Variants in RASGRP1 observed in about 807,000 individuals in gnomAD.
RASGRP1 encodes RAS guanyl-releasing protein 1.
A neutral mutation model predicts 95.1 loss-of-function variants in RASGRP1; 37 were observed. That is an observed-to-expected ratio of 0.39 (90% CI 0.30 to 0.51). The LOEUF (loss-of-function observed/expected upper bound fraction) is 0.51, where lower values mean the gene tolerates loss of function less well. RASGRP1 is among the 20% of genes least tolerant of loss of function. The pLI, the probability that RASGRP1 is intolerant of heterozygous loss-of-function variation, is 0.80. For synonymous variants in RASGRP1, 325 were observed against 353.4 expected (o/e 0.92, Z 0.90); for missense variants, 711 against 965.4 (o/e 0.74, Z 3.49).
chr15:38,497,295 C>T (rs1169897043), intron 15 of RASGRP1, among the ~76,000 whole-genome samples: 3 of 152,146 alleles, frequency 2.0e-5, no homozygotes, highest in African/African-American at 7.2e-5. Flanking sequence ...TTTTAAATAG[C>T]TCCTCATTTT....
chr15:38,536,435 G>C (rs62008296), intron 2 of RASGRP1, among the ~76,000 whole-genome samples: 4 of 152,204 alleles, frequency 2.6e-5, no homozygotes, highest in African/African-American at 9.7e-5. Context: ...GAGCATATTT[G>C]TATCACGTCA....
At chr15:38,519,491 A>G in intron 3 of RASGRP1, 120 bp from the exon 4 acceptor site, 1 of 772,020 alleles carries the variant, frequency 1.3e-6, no homozygotes, top group South Asian at 1.7e-5. Flanking sequence ...TGAAAATGTG[A>G]TGCTTTATCT....
At position 38,507,862 on chromosome 15, in the gene RASGRP1, A is replaced by G. The variant is rs751118810; in HGVS notation, c.1106T>C (p.Met369Thr). ...TTTCCCGTCCTCCAGATAGTCAGGC[A>G]TGGCTTCATACAGGGAGATGAGGTC... ...LKDLISLYEA[M>T]PDYLEDGKVN... is the part of the protein sequence containing the mutation. The change falls in exon 9 of 17, where the codon ATG becomes ACG. Residue 369 changes from methionine to threonine, a missense_variant. Coordinates refer to ENST00000310803, the MANE Select transcript of RASGRP1 (RefSeq NM_005739.4). 18 of 1,613,854 alleles carry G rather than the reference A, an allele frequency of 1.1e-5. No individual in the cohort carries two copies. Among genetic ancestry groups the G allele is most frequent in the Non-Finnish European group, 1.5e-5 (18 of 1,179,832 alleles).
chr15:38,529,015 A>G (rs940864205), intron 2 of RASGRP1, among the ~76,000 whole-genome samples: 4 of 152,188 alleles, frequency 2.6e-5, no homozygotes, highest in African/African-American at 7.2e-5. Context: ...CCTAGCCATT[A>G]TCCTTTATTT....
intron 16 of RASGRP1, among the ~76,000 whole-genome samples, chr15:38,493,458 C>T (rs1890675296): frequency 6.6e-6 from 1 of 152,110 alleles, no homozygotes; most frequent in Admixed American, 6.5e-5. Flanking sequence ...GGGCATGAGC[C>T]ACCACGCCCA....
At chr15:38,511,749 AGTCACTGTACAT>A (rs751987080) in intron 7 of RASGRP1, 29 bp from the exon 8 acceptor site, 6 of 1,539,222 alleles carry the variant, frequency 3.9e-6, no homozygotes, top group Non-Finnish European at 5.4e-6. Context: ...ATGACAGCAG[AGTCACTGTACAT>A]GTCAGTTATA....
chr15:38,498,999 A>G (rs2141085046), intron 14 of RASGRP1, 53 bp from the exon 15 acceptor site: 2 of 1,612,220 alleles, frequency 1.2e-6, no homozygotes, highest in South Asian at 1.1e-5. Context: ...TCTCTTCCCC[A>G]GTGTGTCTCA....
intron 2 of RASGRP1, among the ~76,000 whole-genome samples, chr15:38,557,629 G>GTGTGTGTGTGTGTGTGTA (rs745934661): frequency 6.8e-6 from 1 of 147,370 alleles, no homozygotes; most frequent in South Asian, 2.1e-4. Flanking sequence ...GTGTGTGTGT[G>GTGTGTGTGTGTGTGTGTA]TATATATATA....
chr15:38,561,355 A>C (rs1264720818), intron 1 of RASGRP1, among the ~76,000 whole-genome samples: 1 of 152,254 alleles, frequency 6.6e-6, no homozygotes, highest in East Asian at 1.9e-4. Context: ...ATAGCTGAGG[A>C]ATCAGACTGA....
chr15:38,561,050 A>G (rs1048950955), intron 1 of RASGRP1, among the ~76,000 whole-genome samples: 3 of 152,216 alleles, frequency 2.0e-5, no homozygotes, highest in African/African-American at 7.2e-5. Context: ...TCTCTTGAGC[A>G]TTTAGTTAAT....
intron 2 of RASGRP1, among the ~76,000 whole-genome samples, chr15:38,552,760 A>G (rs1316695080): frequency 6.6e-6 from 1 of 152,232 alleles, no homozygotes; most frequent in Non-Finnish European, 1.5e-5. Context: ...TTTAATAACT[A>G]GCTTGCAAAA....
At chr15:38,508,904 T>C (rs769853035) in intron 8 of RASGRP1, among the ~76,000 whole-genome samples, 3 of 152,198 alleles carry the variant, frequency 2.0e-5, no homozygotes, top group South Asian at 4.1e-4. Context: ...TCCTCTCTTA[T>C]CCTTAGGGGG....
chr15:38,516,170 T>C lies in RASGRP1; in HGVS notation c.675+27A>G, dbSNP rs367574552. 150 of 1,545,214 alleles carry C rather than the reference T, an allele frequency of 9.7e-5. No homozygotes were observed. The African/African-American group carries it at 1.9e-3, about 20-fold the overall frequency. ...ATTTTCAGAAATATCCCAGGGAAGA[T>C]TTTTCTCCTGCCCCTTGCATACATA... On this transcript the variant is annotated intron_variant, in intron 6 of 16. Transcript: ENST00000310803.
intron 2 of RASGRP1, among the ~76,000 whole-genome samples, chr15:38,546,969 A>G (rs1340522434): frequency 6.6e-6 from 1 of 152,024 alleles, no homozygotes; most frequent in African/African-American, 2.4e-5. Flanking sequence ...GTGCTATGTT[A>G]TTCACATCCT....
At position 38,507,871 on chromosome 15, in the gene RASGRP1, T is replaced by A; in HGVS notation, c.1097A>T (p.Tyr366Phe). 1 of 1,613,812 alleles carries A rather than the reference T, an allele frequency of 6.2e-7. No homozygotes were observed. Among genetic ancestry groups the A allele is most frequent in the South Asian group, 1.1e-5 (1 of 91,008 alleles). The change falls in exon 9 of 17, where the codon TAT becomes TTT. Residue 366 changes from tyrosine (Y) to phenylalanine (F), a missense_variant. By Grantham distance (22) the Tyr-to-Phe change is conservative. This residue lies in a region of RASGRP1 where 491 missense variants were observed against 676.6 expected (regional missense o/e 0.73). Coordinates refer to ENST00000310803, the MANE Select transcript of RASGRP1 (RefSeq NM_005739.4). Reference sequence around the variant, plus strand: ...CTCCAGATAGTCAGGCATGGCTTCATACAGGGAGATGAGGTCCTTGAGATG... The same window carrying A: ...CTCCAGATAGTCAGGCATGGCTTCAAACAGGGAGATGAGGTCCTTGAGATG... ...GVHLKDLISL[Y>F]EAMPDYLEDG...
At chr15:38,499,378 C>A (rs1204462042) in intron 14 of RASGRP1, among the ~76,000 whole-genome samples, 1 of 152,196 alleles carries the variant, frequency 6.6e-6, no homozygotes, top group African/African-American at 2.4e-5. Context: ...TGACAAGGGC[C>A]TTTAGTAATC....
At chr15:38,506,023 T>C (rs752576978) in intron 9 of RASGRP1, 103 bp from the exon 10 acceptor site, 9 of 900,412 alleles carry the variant, frequency 1.0e-5, no homozygotes, top group Non-Finnish European at 1.6e-5. Flanking sequence ...TTTACTCTTT[T>C]AGGTTCTAAA....
intron 1 of RASGRP1, among the ~76,000 whole-genome samples, chr15:38,560,605 G>A (rs1255653696): frequency 6.6e-6 from 1 of 152,236 alleles, no homozygotes; most frequent in Non-Finnish European, 1.5e-5. Context: ...CTCAAGTGCA[G>A]GAAGTGAGGG....
At chr15:38,543,443 T>C (rs191663956) in intron 2 of RASGRP1, among the ~76,000 whole-genome samples, 3 of 152,288 alleles carry the variant, frequency 2.0e-5, no homozygotes, top group East Asian at 3.9e-4. Context: ...TATAGCTTTA[T>C]ATTAAGTCTT....
Sources: gnomAD v4.1 joint callset for allele counts (sites outside exome capture counted in the v4.1 genomes callset) on GRCh38, gnomAD v4.1.1 for gene constraint, gnomAD v4.1.1 regional missense constraint, MANE v1.5 for transcripts, NCBI Gene and HGNC (gene_info 2026-07-23, HGNC 2026-07-21) for gene names.